RAB3GAP2: variants seen among roughly 807,000 people sequenced by gnomAD.
RAB3GAP2 encodes RAB3 GTPase activating non-catalytic protein subunit 2, also known as rab3 GTPase-activating protein non-catalytic subunit.
In RAB3GAP2, 87 loss-of-function variants were observed where a neutral mutation model predicts 185.3. That is an observed-to-expected ratio of 0.47 (90% CI 0.39 to 0.56). The LOEUF (loss-of-function observed/expected upper bound fraction) is 0.56. Ranked by LOEUF, RAB3GAP2 falls within the 20% of genes least tolerant of loss-of-function variation. RAB3GAP2 has a pLI of 0.00. For missense variants in RAB3GAP2, 1,492 were observed against 1,638.2 expected (o/e 0.91, Z 1.54); for synonymous variants, 554 against 576.1 (o/e 0.96, Z 0.55).
intron 17 of RAB3GAP2, among the ~76,000 whole-genome samples, chr1:220,189,316 C>G (rs1278956396): frequency 1.3e-5 from 2 of 151,966 alleles, no homozygotes; most frequent in African/African-American, 4.8e-5. Context: ...CTCCCAGGTT[C>G]AAATGATTCT....
chr1:220,157,803 T>G lies in RAB3GAP2; in HGVS notation c.3335A>C (p.Glu1112Ala). 6.2e-7 allele frequency: 1 copy of G among 1,607,544 alleles called. No homozygotes were observed. The highest frequency in any genetic ancestry group is 1.1e-5 in the South Asian group (1 of 90,904). The part of the protein sequence containing the change: ...SCLDLLQILM[E>A]ADVSRDEIQV... Reference sequence around the variant, plus strand: ...GAATGAAAAATACACCTCTTTTACCTCCATTAAGATCTGAAGAAGATCCAA... The same window carrying G: ...GAATGAAAAATACACCTCTTTTACCGCCATTAAGATCTGAAGAAGATCCAA... The change falls in exon 30 of 35, where the codon GAG (glutamate) becomes GCG (alanine). Residue 1112 changes from glutamate to alanine, a missense_variant and splice_region_variant. Glu to Ala is a moderately radical substitution (Grantham distance 107). Transcript: ENST00000358951.
At chr1:220,200,784 T>C (rs983683009) in intron 9 of RAB3GAP2, 3 of 373,904 alleles carry the variant, frequency 8.0e-6, no homozygotes, top group Admixed American at 7.2e-5. Context: ...AATAGAAAGA[T>C]GGCCTGTGTG....
At chr1:220,167,788 C>A (rs550421129) in intron 24 of RAB3GAP2, 113 bp from the exon 25 acceptor site, 1 of 1,165,444 alleles carries the variant, frequency 8.6e-7, no homozygotes, top group East Asian at 2.3e-5. Flanking sequence ...CATTTCTCAG[C>A]CTGAAGCTGA....
chr1:220,232,606 C>T (rs1156683469), intron 2 of RAB3GAP2, among the ~76,000 whole-genome samples, 193 bp downstream of exon 2: 2 of 152,256 alleles, frequency 1.3e-5, no homozygotes, highest in Admixed American at 6.5e-5. Flanking sequence ...ACCAAGTGAA[C>T]GAAGACACCC....
chr1:220,174,737 A>G (rs975811054), intron 21 of RAB3GAP2, among the ~76,000 whole-genome samples: 1 of 152,204 alleles, frequency 6.6e-6, no homozygotes, highest in African/African-American at 2.4e-5. Context: ...AAAGGTTACT[A>G]TGCTCCAAGC....
rs773458866 is a variant in RAB3GAP2 at position 220,196,294 on chromosome 1, T to C, written c.916A>G (p.Thr306Ala). The C allele has an allele frequency of 1.1e-5, 17 of 1,613,038 alleles. No individual in the cohort carries two copies. The highest frequency in any genetic ancestry group is 1.4e-5 in the Non-Finnish European group (17 of 1,179,126). The change falls in exon 10 of 35, where the codon ACT (threonine) becomes GCT (alanine). Residue 306 changes from threonine (T) to alanine (A), a missense_variant. Thr to Ala is a moderately conservative substitution (Grantham distance 58, BLOSUM62 0). Around this residue, in one of 5 missense-constraint regions of RAB3GAP2, gnomAD observed 243 missense variants for 314.8 expected, o/e 0.77. Transcript: ENST00000358951. Reference sequence around the variant, plus strand: ...CCAGTAAATGGATTGGACCCTACAGTGATATACTGAGACATGGCAGGTGGA... The same window carrying C: ...CCAGTAAATGGATTGGACCCTACAGCGATATACTGAGACATGGCAGGTGGA... ...NSPPAMSQYI[T>A]VGSNPFTGFF...
Position 220,190,397 on chromosome 1 carries a change from A to G in RAB3GAP2, c.1611T>C (p.Val537=). ...PVSGSVKTVN[V]PFHLALSDKK... ...CTTACCTCAGTGCTAAATGGAAGGG[A>G]ACGTTCACTGTTTTCACACTTCCAG... is the stretch of plus-strand genomic sequence containing the variant. The change falls in exon 15 of 35, where the codon GTT becomes GTC. Residue 537 remains valine (V), a synonymous_variant. Transcript: ENST00000358951. 5 of 1,614,112 alleles carry G rather than the reference A, an allele frequency of 3.1e-6. No individual in the cohort carries two copies. Among genetic ancestry groups the G allele is most frequent in the Non-Finnish European group, 4.2e-6 (5 of 1,179,982 alleles).
At position 220,217,178 on chromosome 1, in the gene RAB3GAP2, T is replaced by A. The variant is rs1417487433; in HGVS notation, c.181-3199A>T. Among the ~76,000 whole-genome samples the A allele has an allele frequency of 3.3e-5, 5 of 152,242 alleles. No homozygotes were observed. In the East Asian group the frequency reaches 9.7e-4, roughly 29 times the overall value. On this transcript the variant is annotated intron_variant, in intron 2 of 34. Coordinates refer to ENST00000358951, the MANE Select transcript of RAB3GAP2 (RefSeq NM_012414.4). Reference sequence around the variant, plus strand: ...TGGTCTTTCCACTCTATCACCCTGCTCATCTCTGTGGGTAGCTGTACTAGC... The same window carrying A: ...TGGTCTTTCCACTCTATCACCCTGCACATCTCTGTGGGTAGCTGTACTAGC...
In RAB3GAP2 at chr1:220,221,787, T is replaced by C. The variant is rs149063007; in HGVS notation, c.181-7808A>G. On this transcript the variant is annotated intron_variant, in intron 2 of 34. Coordinates refer to ENST00000358951, the MANE Select transcript of RAB3GAP2 (RefSeq NM_012414.4). ...CACACAATGCAGGCAGACAATAAAA[T>C]TGTAGTAATTAAATCAGTCTTTCAA... Among the ~76,000 whole-genome samples, 240 of 152,352 alleles carry C rather than the reference T, an allele frequency of 1.6e-3. 2 individuals carry two copies. The highest frequency in any genetic ancestry group is 5.5e-3 in the African/African-American group (230 of 41,588).
intron 2 of RAB3GAP2, among the ~76,000 whole-genome samples, chr1:220,226,837 A>T (rs1659412107): frequency 6.6e-6 from 1 of 152,078 alleles, no homozygotes; most frequent in African/African-American, 2.4e-5. Flanking sequence ...TAGGGCCTTT[A>T]AGGAGGTAAT....
chr1:220,259,446 T>C (rs1318154005), intron 1 of RAB3GAP2, among the ~76,000 whole-genome samples: 1 of 152,124 alleles, frequency 6.6e-6, no homozygotes, highest in Non-Finnish European at 1.5e-5. Context: ...AATCATGTGA[T>C]CTTTGACAAA....
intron 9 of RAB3GAP2, among the ~76,000 whole-genome samples, chr1:220,199,207 C>T (rs75642804): frequency 0.07 from 10,698 of 152,054 alleles, 515 homozygotes; most frequent in South Asian, 0.14. Flanking sequence ...GAGGAAATTA[C>T]TCGATTTTGG....
In RAB3GAP2 at chr1:220,172,754, T is replaced by C; in HGVS notation, c.2311-12A>G. Reference sequence around the variant, plus strand: ...CTCAGGAGCAGAGACTGAAATCAAATTTAAATCTTTTTCAGTCTAAAAAAA... The same window carrying C: ...CTCAGGAGCAGAGACTGAAATCAAACTTAAATCTTTTTCAGTCTAAAAAAA... On this transcript the variant is annotated splice_polypyrimidine_tract_variant and intron_variant, in intron 21 of 34. Transcript: ENST00000358951. 1 of 1,578,946 alleles carries C rather than the reference T, an allele frequency of 6.3e-7. No individual in the cohort carries two copies. Among genetic ancestry groups the C allele is most frequent in the Non-Finnish European group, 8.7e-7 (1 of 1,148,100 alleles).
chr1:220,264,803 T>A (rs905384133), intron 1 of RAB3GAP2, among the ~76,000 whole-genome samples: 4 of 152,194 alleles, frequency 2.6e-5, no homozygotes, highest in Non-Finnish European at 5.9e-5. Context: ...CTGGGTTTCC[T>A]GCATAGACTA....
rs538549218 is a variant in RAB3GAP2 at position 220,261,430 on chromosome 1, A to G, written c.115+10793T>C. ...TTATGAAAACCATGCTAAGGAAAAG[A>G]TAATCTCCTCTTTTGGAATACTGCA... On this transcript the variant is annotated intron_variant, in intron 1 of 34. Transcript: ENST00000358951. Among the ~76,000 whole-genome samples the G allele has an allele frequency of 2.6e-5, 4 of 152,310 alleles. No homozygotes were observed. The East Asian group carries it at 5.8e-4, about 22-fold the overall frequency.
At chr1:220,152,801 C>T (rs1657786815) in intron 33 of RAB3GAP2, among the ~76,000 whole-genome samples, 1 of 152,172 alleles carries the variant, frequency 6.6e-6, no homozygotes, top group Non-Finnish European at 1.5e-5. Context: ...AAGTGATCTG[C>T]CACCTGAGCC....
intron 17 of RAB3GAP2, among the ~76,000 whole-genome samples, chr1:220,187,498 T>C (rs1658527774): frequency 6.6e-6 from 1 of 152,134 alleles, no homozygotes; most frequent in African/African-American, 2.4e-5. Context: ...CAACCATGTA[T>C]TTGAGGATTG....
rs201924459 is a variant in RAB3GAP2 at position 220,188,104 on chromosome 1, GA to G, written c.1779+1598del. ...GCCAAAGAAATTGACTGGTGTGTGG[GA>G]AAAAAAAAAAAAACCCTACATCTAG... On this transcript the variant is annotated intron_variant, in intron 17 of 34. Transcript: ENST00000358951. 5.1e-3 allele frequency among the ~76,000 whole-genome samples: 686 copies of G among 135,078 alleles called. 4 individuals are homozygous for G. Among genetic ancestry groups the G allele is most frequent in the African/African-American group, 0.016 (583 of 36,872 alleles). 88.6% of individuals were successfully genotyped at this position (135,078 alleles called of 152,430 possible). A position where few individuals can be genotyped will look rare whatever the true frequency, so the allele number is the denominator to read the frequency against.
At chr1:220,163,096 C>T (rs1299340225) in intron 27 of RAB3GAP2, among the ~76,000 whole-genome samples, 2 of 152,080 alleles carry the variant, frequency 1.3e-5, no homozygotes, top group Non-Finnish European at 2.9e-5. Flanking sequence ...CTATGTGTGC[C>T]ACTATACTCC....
Sources: gnomAD v4.1 joint callset for allele counts (sites outside exome capture counted in the v4.1 genomes callset) on GRCh38, gnomAD v4.1.1 for gene constraint, gnomAD v4.1.1 regional missense constraint, MANE v1.5 for transcripts, NCBI Gene and HGNC (gene_info 2026-07-23, HGNC 2026-07-21) for gene names.